DHX9: variants seen among roughly 807,000 people sequenced by gnomAD.
DHX9 encodes the protein ATP-dependent RNA helicase A.
In DHX9, 27 loss-of-function variants were observed where a neutral mutation model predicts 148.7. The ratio of observed to expected loss-of-function variants is 0.18; its 90% CI spans 0.13 to 0.25. DHX9 has a LOEUF of 0.25. Among genes scored for constraint, DHX9 ranks in the 10% least tolerant of loss-of-function variants. The pLI is 1.00. For missense variants in DHX9, 796 were observed against 1,559.6 expected (o/e 0.51, Z 8.25); for synonymous variants, 529 against 516.6 (o/e 1.02, Z -0.33).
intron 1 of DHX9, among the ~76,000 whole-genome samples, chr1:182,841,531 C>G (rs1010365518): frequency 1.1e-4 from 17 of 152,282 alleles, no homozygotes; most frequent in African/African-American, 3.6e-4. Flanking sequence ...ATAGGACATT[C>G]CCTTCGCCAA....
chr1:182,857,533 T>C (rs904143912), intron 7 of DHX9, among the ~76,000 whole-genome samples: 2 of 152,240 alleles, frequency 1.3e-5, no homozygotes, highest in Non-Finnish European at 2.9e-5. Context: ...GTTATTCTCA[T>C]TTTATTTTTA....
intron 27 of DHX9, among the ~76,000 whole-genome samples, chr1:182,886,459 G>A (rs975117909): frequency 6.6e-6 from 1 of 152,098 alleles, no homozygotes; most frequent in Non-Finnish European, 1.5e-5. Context: ...GCCTCCCAAA[G>A]TGCTGGGATT....
At chr1:182,848,349 C>T (rs1052024643) in intron 3 of DHX9, among the ~76,000 whole-genome samples, 1 of 152,154 alleles carries the variant, frequency 6.6e-6, no homozygotes. Context: ...AGGTGAAGGC[C>T]AGGGATGCTG....
At chr1:182,840,389 TC>T (rs1667900970) in intron 1 of DHX9, among the ~76,000 whole-genome samples, 1 of 147,870 alleles carries the variant, frequency 6.8e-6, no homozygotes, top group Admixed American at 6.8e-5. Flanking sequence ...AACGTCGGTC[TC>T]CCGGGTTCAA....
At chr1:182,864,184 C>T (rs1459003813) in intron 12 of DHX9, among the ~76,000 whole-genome samples, 23 of 152,154 alleles carry the variant, frequency 1.5e-4, no homozygotes, top group Admixed American at 1.5e-3. Context: ...AACTCCTGGG[C>T]TGAGCAACCC....
intron 1 of DHX9, chr1:182,839,990 G>A (rs1272299476): frequency 6.6e-6 from 1 of 152,418 alleles, no homozygotes; most frequent in Non-Finnish European, 1.5e-5. Context: ...CCAACGCGAA[G>A]GAAAAGCAGA....
At chr1:182,853,137 GGC>G (rs1234191049) in intron 4 of DHX9, among the ~76,000 whole-genome samples, 167 bp from the exon 5 acceptor site, 3 of 151,942 alleles carry the variant, frequency 2.0e-5, no homozygotes, top group Non-Finnish European at 2.9e-5. Context: ...ATGTTGACCA[GGC>G]TGGTCTCAAA....
chr1:182,884,546 T>C (rs1353559700), intron 26 of DHX9, 67 bp from the exon 27 acceptor site: 3 of 1,373,484 alleles, frequency 2.2e-6, no homozygotes, highest in Non-Finnish European at 3.1e-6. Flanking sequence ...ATGTGTGAAG[T>C]TGAGAGATAA....
At position 182,887,301 on chromosome 1, in the gene DHX9, G is replaced by C; in HGVS notation, c.3680G>C (p.Arg1227Thr). The C allele has an allele frequency of 6.2e-7, 1 of 1,614,160 alleles. No individual in the cohort carries two copies. The highest frequency in any genetic ancestry group is 8.5e-7 in the Non-Finnish European group (1 of 1,180,028). ...AGAGGAGTTTCCCGAGGTGGCTTTA[G>C]AGGCAACTCTGGAGGAGACTACAGA... ...GYRGVSRGGF[R>T]GNSGGDYRGP... is the part of the protein sequence containing the mutation. The change falls in exon 28 of 28, where the codon AGA becomes ACA. Residue 1227 changes from arginine to threonine, a missense_variant. This residue lies in a region of DHX9 where 98 missense variants were observed against 105.5 expected (regional missense o/e 0.93). Transcript: ENST00000367549.
In DHX9 at chr1:182,852,153, T is replaced by C. The variant is rs1002579681; in HGVS notation, c.253-80T>C. 1.1e-5 allele frequency: 9 copies of C among 791,394 alleles called. No individual in the cohort carries two copies. The African/African-American group carries it at 1.2e-4, about 11-fold the overall frequency. The allele number at this position is 791,394 out of a possible 1,614,324, so 49.0% of individuals were successfully genotyped here. A position where few individuals can be genotyped will look rare whatever the true frequency, so the allele number is the denominator to read the frequency against. On this transcript the variant is annotated intron_variant, in intron 3 of 27. Coordinates refer to ENST00000367549, the MANE Select transcript of DHX9 (RefSeq NM_001357.5). ...AAAGAAAGGAGGTATGACACATGGG[T>C]CCTTTTAAGTATTAAAAGAATTTAC...
chr1:182,862,609 A>G (rs1455941061), intron 12 of DHX9, among the ~76,000 whole-genome samples: 1 of 152,228 alleles, frequency 6.6e-6, no homozygotes, highest in Admixed American at 6.5e-5. Context: ...AGCCTGATAC[A>G]TTTTGTAGTA....
chr1:182,876,496 G>C lies in DHX9; in HGVS notation c.2079G>C (p.Glu693Asp). Residue 693 changes from glutamate to aspartate, a missense_variant, in exon 18 of 28, where the codon GAG becomes GAC. This residue lies in a region of DHX9 where 133 missense variants were observed against 223.8 expected (regional missense o/e 0.59). Transcript: ENST00000367549. ...ILPLHSQIPR[E>D]EQRKVFDPVP... ...CCCTGCATTCTCAGATTCCTCGAGA[G>C]GAACAGCGCAAAGTGTTTGATCCAG... 6.2e-7 allele frequency: 1 copy of C among 1,613,028 alleles called. No individual in the cohort carries two copies. Among genetic ancestry groups the C allele is most frequent in the Non-Finnish European group, 8.5e-7 (1 of 1,179,800 alleles).
rs1408727307 is a variant in DHX9 at position 182,887,306 on chromosome 1, A to C, written c.3685A>C (p.Asn1229His). ...AGTTTCCCGAGGTGGCTTTAGAGGC[A>C]ACTCTGGAGGAGACTACAGAGGGCC... The part of the protein sequence containing the change: ...RGVSRGGFRG[N>H]SGGDYRGPSG... The change falls in exon 28 of 28, where the codon AAC becomes CAC. Residue 1229 changes from asparagine to histidine, a missense_variant. By Grantham distance (68) the Asn-to-His change is moderately conservative (BLOSUM62 1). Coordinates refer to ENST00000367549, the MANE Select transcript of DHX9 (RefSeq NM_001357.5). 3.1e-6 allele frequency: 5 copies of C among 1,614,026 alleles called. No homozygotes were observed. The African/African-American group carries it at 6.7e-5, about 22-fold the overall frequency.
chr1:182,859,760 AC>A (rs972732882), intron 11 of DHX9, among the ~76,000 whole-genome samples: 67 of 151,936 alleles, frequency 4.4e-4, no homozygotes, highest in Admixed American at 1.1e-3. Flanking sequence ...TTACAGGCAC[AC>A]CCCACCACAC....
intron 6 of DHX9, chr1:182,855,727 A>AG: frequency 1.0e-6 from 1 of 985,410 alleles, no homozygotes; most frequent in Middle Eastern, 5.2e-4. Context: ...AGTTCACACG[A>AG]GGTATAGGAA....
chr1:182,855,773 T>C (rs1343938266), intron 6 of DHX9: 1 of 971,824 alleles, frequency 1.0e-6, no homozygotes, highest in Non-Finnish European at 1.2e-6. Flanking sequence ...AAGCCTCACC[T>C]AGCCTTTTAT....
intron 6 of DHX9, among the ~76,000 whole-genome samples, chr1:182,855,161 G>T (rs1179113692): frequency 6.6e-6 from 1 of 152,132 alleles, no homozygotes; most frequent in African/African-American, 2.4e-5. Context: ...TCTGGTGTCA[G>T]CCTTTTTAAA....
chr1:182,863,014 A>G (rs1668391264), intron 12 of DHX9, among the ~76,000 whole-genome samples: 1 of 152,226 alleles, frequency 6.6e-6, no homozygotes, highest in African/African-American at 2.4e-5. Context: ...GTAAAATTCT[A>G]AAGAGAAAAT....
chr1:182,881,277 A>C lies in DHX9; in HGVS notation c.2638A>C (p.Ile880Leu), dbSNP rs767554851. ...MGCIFYVGDA[I>L]CTIAAATCFP... ...TGTGTATTTCAGCGTGGGAGATGCTATCTGTACCATTGCTGCTGCTACCTG... is the reference window on the plus strand; with the variant it reads ...TGTGTATTTCAGCGTGGGAGATGCTCTCTGTACCATTGCTGCTGCTACCTG... Residue 880 changes from isoleucine to leucine, a missense_variant, in exon 23 of 28, where the codon ATC becomes CTC. This residue lies in a region of DHX9 where 122 missense variants were observed against 289.3 expected (regional missense o/e 0.42). Coordinates refer to ENST00000367549, the MANE Select transcript of DHX9 (RefSeq NM_001357.5). The C allele has an allele frequency of 6.2e-7, 1 of 1,613,720 alleles. No individual in the cohort carries two copies. Among genetic ancestry groups the C allele is most frequent in the East Asian group, 2.2e-5 (1 of 44,880 alleles).
Sources: gnomAD v4.1 joint callset for allele counts (sites outside exome capture counted in the v4.1 genomes callset) on GRCh38, gnomAD v4.1.1 for gene constraint, gnomAD v4.1.1 regional missense constraint, MANE v1.5 for transcripts, NCBI Gene and HGNC (gene_info 2026-07-23, HGNC 2026-07-21) for gene names.